ZMIZ1: variants seen among roughly 807,000 people sequenced by gnomAD.
The protein encoded by ZMIZ1 is zinc finger MIZ-type containing 1.
ZMIZ1 carries 17 observed loss-of-function variants against 113.9 expected under a neutral mutation model. The ratio of observed to expected loss-of-function variants is 0.15; its 90% CI spans 0.10 to 0.22. ZMIZ1 has a LOEUF of 0.22. ZMIZ1 is among the 10% of genes least tolerant of loss of function. The pLI, the probability that ZMIZ1 is intolerant of heterozygous loss-of-function variation, is 1.00. For missense variants in ZMIZ1, 1,059 were observed against 1,477.8 expected, an observed-to-expected ratio of 0.72 and a Z score of 4.65; for synonymous variants, 607 against 603.1, an observed-to-expected ratio of 1.01 and a Z score of -0.09.
intron 3 of ZMIZ1, among the ~76,000 whole-genome samples, chr10:79,151,072 T>C (rs1290938951): frequency 6.6e-6 from 1 of 151,264 alleles, no homozygotes; most frequent in African/African-American, 2.4e-5. Context: ...CCAGAGTCGT[T>C]GTGACATTGG....
chr10:79,172,614 C>G (rs1846646454), intron 4 of ZMIZ1, among the ~76,000 whole-genome samples: 1 of 152,154 alleles, frequency 6.6e-6, no homozygotes, highest in South Asian at 2.1e-4. Flanking sequence ...AACTTGGGTC[C>G]TTTGACCCTA....
intron 7 of ZMIZ1, among the ~76,000 whole-genome samples, chr10:79,238,144 G>C (rs540713930): frequency 6.6e-6 from 1 of 152,126 alleles, no homozygotes; most frequent in Middle Eastern, 3.4e-3. Flanking sequence ...TCTGGTTCAC[G>C]TGCCCCCTCC....
chr10:79,233,136 C>G (rs1849460862), intron 7 of ZMIZ1, among the ~76,000 whole-genome samples: 1 of 152,220 alleles, frequency 6.6e-6, no homozygotes, highest in Non-Finnish European at 1.5e-5. Context: ...GTGTGGGCTC[C>G]CCTTGTTGAG....
At chr10:79,308,185 C>A (rs544529005) in intron 23 of ZMIZ1, among the ~76,000 whole-genome samples, 20 of 152,188 alleles carry the variant, frequency 1.3e-4, no homozygotes, top group Non-Finnish European at 1.8e-4. Flanking sequence ...CCCTCCTGTC[C>A]CCTGGAGTCC....
At chr10:79,243,664 C>T (rs1202698064) in intron 7 of ZMIZ1, 1 of 300,872 alleles carries the variant, frequency 3.3e-6, no homozygotes, top group Non-Finnish European at 6.6e-6. Context: ...CGGAGTCGCT[C>T]GCCGCGGCCG....
chr10:79,266,756 G>A (rs1337516979), intron 7 of ZMIZ1, among the ~76,000 whole-genome samples: 1 of 152,192 alleles, frequency 6.6e-6, no homozygotes, highest in African/African-American at 2.4e-5. Context: ...GCAGGGAGGA[G>A]GCCCCTTTTC....
In ZMIZ1 at chr10:79,159,600, G is replaced by A. The variant is rs140647910; in HGVS notation, c.-130-2453G>A. On this transcript the variant is annotated intron_variant, in intron 3 of 24. Transcript: ENST00000334512. ...GGAGGTTATAGAACCTCTTGGCCTCGTGTGGAAATCAGGGATGTCAGTGTC... is the reference window on the plus strand; with the variant it reads ...GGAGGTTATAGAACCTCTTGGCCTCATGTGGAAATCAGGGATGTCAGTGTC... Among the ~76,000 whole-genome samples the A allele has an allele frequency of 1.3e-4, 20 of 152,314 alleles. No homozygotes were observed. The East Asian group carries it at 3.1e-3, about 23-fold the overall frequency.
intron 4 of ZMIZ1, among the ~76,000 whole-genome samples, chr10:79,199,398 T>C (rs1250561): frequency 0.74 from 112,282 of 151,720 alleles, 41,653 homozygotes; most frequent in South Asian, 0.79. Flanking sequence ...CCCAGCTACT[T>C]GGGATGCTGA....
chr10:79,114,409 G>A (rs1398206800), intron 1 of ZMIZ1, among the ~76,000 whole-genome samples: 1 of 152,082 alleles, frequency 6.6e-6, no homozygotes, highest in Admixed American at 6.6e-5. Flanking sequence ...CTGGAGGCTG[G>A]GAGTGGGGGA....
At chr10:79,109,209 G>A (rs1033064348) in intron 1 of ZMIZ1, among the ~76,000 whole-genome samples, 1 of 152,190 alleles carries the variant, frequency 6.6e-6, no homozygotes, top group East Asian at 1.9e-4. Context: ...GTGTGTCCCA[G>A]TGTGGATGTG....
At chr10:79,162,206 G>T (rs1316159460) in intron 4 of ZMIZ1, 73 bp downstream of exon 4, 2 of 398,410 alleles carry the variant, frequency 5.0e-6, no homozygotes, top group Non-Finnish European at 4.4e-6. Context: ...GCAGGTGCTA[G>T]CCCTAGCACG....
intron 1 of ZMIZ1, among the ~76,000 whole-genome samples, chr10:79,107,929 T>C (rs1170446203): frequency 6.6e-6 from 1 of 152,156 alleles, no homozygotes; most frequent in East Asian, 1.9e-4. Context: ...GGTAATTGTC[T>C]ATTGTTCATC....
Position 79,315,413 on chromosome 10 carries a change from A to T in ZMIZ1, c.*2664A>T, listed in dbSNP as rs548531572. 1 of 152,934 alleles carries T rather than the reference A, an allele frequency of 6.5e-6. No homozygotes were observed. The highest frequency in any genetic ancestry group is 6.5e-5 in the Admixed American group (1 of 15,302). The allele number at this position is 152,934 out of a possible 1,614,324, so 9.5% of individuals were successfully genotyped here. A position where few individuals can be genotyped will look rare whatever the true frequency, so the allele number is the denominator to read the frequency against. ...CCTTCCCTGATCCTTTCGGACGACT[A>T]CTTGGAGCCATAAGTAACCTCAGCA... On this transcript the variant is annotated 3_prime_UTR_variant, in exon 25 of 25. Coordinates refer to ENST00000334512, the MANE Select transcript of ZMIZ1 (RefSeq NM_020338.4).
intron 9 of ZMIZ1, 72 bp downstream of exon 9, chr10:79,289,961 C>T (rs1224798073): frequency 7.0e-7 from 1 of 1,431,898 alleles, no homozygotes; most frequent in African/African-American, 1.4e-5. Context: ...GGAGCCATAC[C>T]AGCCCTCTTC....
chr10:79,232,770 G>A (rs1849443420), intron 7 of ZMIZ1, among the ~76,000 whole-genome samples: 1 of 152,106 alleles, frequency 6.6e-6, no homozygotes, highest in Admixed American at 6.5e-5. Context: ...AAAATATTAA[G>A]GTGCAGGTGC....
chr10:79,309,034 C>T (rs573642480), intron 23 of ZMIZ1, among the ~76,000 whole-genome samples: 4 of 152,284 alleles, frequency 2.6e-5, no homozygotes, highest in South Asian at 4.1e-4. Context: ...CCTGGAAGTG[C>T]GGATGTGCCA....
chr10:79,150,451 T>C (rs936172521), intron 3 of ZMIZ1, among the ~76,000 whole-genome samples: 1 of 152,224 alleles, frequency 6.6e-6, no homozygotes, highest in African/African-American at 2.4e-5. Flanking sequence ...TGCTAATGAC[T>C]TATCTCCTCT....
At position 79,306,355 on chromosome 10, in the gene ZMIZ1, C is replaced by G; in HGVS notation, c.2668+11C>G. 6.2e-7 allele frequency: 1 copy of G among 1,605,856 alleles called. No individual in the cohort carries two copies. Among genetic ancestry groups the G allele is most frequent in the East Asian group, 2.2e-5 (1 of 44,870 alleles). ...ACTACAGCAGCCAAGGTGGGTGATGCCAGGCAGGGAGGAAGGGAGAAGGAG... is the reference window on the plus strand; with the variant it reads ...ACTACAGCAGCCAAGGTGGGTGATGGCAGGCAGGGAGGAAGGGAGAAGGAG... On this transcript the variant is annotated intron_variant, in intron 22 of 24. Coordinates refer to ENST00000334512, the MANE Select transcript of ZMIZ1 (RefSeq NM_020338.4).
rs550395591 is a variant in ZMIZ1 at position 79,107,273 on chromosome 10, C to T, written c.-336-11642C>T. ...CATTCAGTCAGCTTTTGTAGCCTAG[C>T]GGGTTAGACCTCAGGAGTCAAACAG... On this transcript the variant is annotated intron_variant, in intron 1 of 24. Transcript: ENST00000334512. 1.7e-4 allele frequency among the ~76,000 whole-genome samples: 26 copies of T among 152,374 alleles called. No homozygotes were observed. The South Asian group carries it at 4.8e-3, about 28-fold the overall frequency.
Sources: gnomAD v4.1 joint callset for allele counts (sites outside exome capture counted in the v4.1 genomes callset) on GRCh38, gnomAD v4.1.1 for gene constraint, MANE v1.5 for transcripts, NCBI Gene and HGNC (gene_info 2026-07-23, HGNC 2026-07-21) for gene names.